Variants in SYNE3 observed in about 807,000 individuals in gnomAD.
The protein encoded by SYNE3 is spectrin repeat containing nuclear envelope family member 3.
Under a neutral mutation model 111.2 loss-of-function variants are expected in SYNE3, and 100 were observed. The ratio of observed to expected loss-of-function variants is 0.90; its 90% confidence interval spans 0.77 to 1.06. The LOEUF (loss-of-function observed/expected upper bound fraction) is 1.06, where lower values mean the gene tolerates loss of function less well. SYNE3 is among the 50% of genes least tolerant of loss of function. The pLI is 0.00. For synonymous variants in SYNE3, 547 were observed against 533.9 expected, an observed-to-expected ratio of 1.02 and a Z score of -0.34; for missense variants, 1,160 against 1,240.3, an observed-to-expected ratio of 0.94 and a Z score of 0.97.
chr14:95,418,173 C>T lies in SYNE3; in HGVS notation c.2728-147G>A, dbSNP rs951072631. ...CATCTCCAGGTTCTCATCTGTGAAA[C>T]AGGGCTAATGTAAGTTTTAACAGAA... On this transcript the variant is annotated intron_variant, in intron 17 of 17. Coordinates refer to ENST00000682763, the MANE Select transcript of SYNE3 (RefSeq NM_152592.6). The T allele has an allele frequency of 1.6e-5, 13 of 813,134 alleles. No homozygotes were observed. In the Middle Eastern group the frequency reaches 1.1e-3, roughly 67 times the overall value. 50.4% of individuals were successfully genotyped at this position (813,134 alleles called of 1,614,324 possible).
intron 7 of SYNE3, chr14:95,451,542 G>A (rs997189769): frequency 9.8e-5 from 15 of 152,296 alleles, no homozygotes; most frequent in African/African-American, 3.6e-4. Flanking sequence ...ATCCCACGGG[G>A]GATCCAGGCC....
intron 17 of SYNE3, among the ~76,000 whole-genome samples, chr14:95,426,063 G>A (rs1885412636): frequency 6.6e-6 from 1 of 152,214 alleles, no homozygotes; most frequent in African/African-American, 2.4e-5. Context: ...GTTGTGGGGT[G>A]GAAGGTGAGT....
chr14:95,446,358 GC>G (rs2139410991), intron 8 of SYNE3, among the ~76,000 whole-genome samples: 1 of 151,580 alleles, frequency 6.6e-6, no homozygotes, highest in East Asian at 2.0e-4. Flanking sequence ...CCTCCTACAG[GC>G]CTCAAAAGTC....
At chr14:95,431,058 A>G (rs1167088078) in intron 17 of SYNE3, among the ~76,000 whole-genome samples, 5 of 152,224 alleles carry the variant, frequency 3.3e-5, no homozygotes, top group Admixed American at 2.0e-4. Flanking sequence ...CCAAAGAATG[A>G]GAGATCTCAA....
Position 95,418,016 on chromosome 14 carries a change from C to T in SYNE3, c.2738G>A (p.Trp913Ter). 6.2e-7 allele frequency: 1 copy of T among 1,609,924 alleles called. No homozygotes were observed. Among genetic ancestry groups the T allele is most frequent in the Non-Finnish European group, 8.5e-7 (1 of 1,179,732 alleles). The change falls in exon 18 of 18, where the codon TGG (tryptophan) becomes TAG (stop). Residue 913 changes from tryptophan to a stop codon, truncating the protein, a stop_gained. Coordinates refer to ENST00000682763, the MANE Select transcript of SYNE3 (RefSeq NM_152592.6). LOFTEE classifies it low-confidence loss of function (END_TRUNC). Reference protein sequence around the residue: ...EPTGFQKTRRWRGLGSLFRRA... With the variant: ...EPTGFQKTRR Reference sequence around the variant, plus strand: ...CCGGAAGAGGGAGCCCAGTCCTCGCCACCGCCGAGTCTGCGGAACCAACAC... The same window carrying T: ...CCGGAAGAGGGAGCCCAGTCCTCGCTACCGCCGAGTCTGCGGAACCAACAC...
At chr14:95,508,619 G>A (rs545057173) in intron 1 of SYNE3, among the ~76,000 whole-genome samples, 1 of 152,364 alleles carries the variant, frequency 6.6e-6, no homozygotes, top group Admixed American at 6.5e-5. Context: ...TCAATGCAGA[G>A]ACGGTGTGGC....
At position 95,485,669 on chromosome 14, in the gene SYNE3, G is replaced by A. The variant is rs1566683733; in HGVS notation, c.-14-9834C>T. On this transcript the variant is annotated intron_variant, in intron 1 of 17. Transcript: ENST00000682763. This position sits in a 1 kb window ranked among gnomAD's most constrained non-coding sequence, Gnocchi z 4.3. ...CTCTCCCCTTACACCACTCCCTCTA[G>A]GATACCCAGCATCCCCACAGGCTCA... Among the ~76,000 whole-genome samples the A allele has an allele frequency of 6.6e-6, 1 of 151,882 alleles. No homozygotes were observed. The highest frequency in any genetic ancestry group is 6.6e-5 in the Admixed American group (1 of 15,256).
At chr14:95,447,561 G>T (rs1300741992) in intron 8 of SYNE3, among the ~76,000 whole-genome samples, 1 of 152,208 alleles carries the variant, frequency 6.6e-6, no homozygotes, top group Admixed American at 6.5e-5. Flanking sequence ...GACAGGCCTT[G>T]AAGGGCAGGT....
intron 4 of SYNE3, among the ~76,000 whole-genome samples, chr14:95,460,630 G>GC (rs3837583): frequency 0.6 from 91,546 of 152,030 alleles, 28,241 homozygotes; most frequent in African/African-American, 0.74. Flanking sequence ...TGGAGCAAGC[G>GC]AGGGGACAGT....
intron 1 of SYNE3, among the ~76,000 whole-genome samples, chr14:95,498,213 TG>T: frequency 6.6e-6 from 1 of 152,108 alleles, no homozygotes; most frequent in East Asian, 1.9e-4. Context: ...TTTTTTGAGA[TG>T]GAGTCTTGCT....
rs899631270 is a variant in SYNE3, at chr14:95,410,480, A to C, written c.*7346T>G. ...AGATGAGAACGGAAGTGGCTGGTGGAGCTTCTGGGAAAGCTGCTAATGAGG... is the reference window on the plus strand; with the variant it reads ...AGATGAGAACGGAAGTGGCTGGTGGCGCTTCTGGGAAAGCTGCTAATGAGG... On this transcript the variant is annotated 3_prime_UTR_variant, in exon 18 of 18. Coordinates refer to ENST00000682763, the MANE Select transcript of SYNE3 (RefSeq NM_152592.6). 40 of 152,300 alleles carry C rather than the reference A, an allele frequency of 2.6e-4. No individual in the cohort carries two copies. The highest frequency in any genetic ancestry group is 9.6e-4 in the African/African-American group (40 of 41,542). The allele number at this position is 152,300 out of a possible 1,614,324, so 9.4% of individuals were successfully genotyped here.
chr14:95,469,111 C>T (rs1001465858), intron 2 of SYNE3, among the ~76,000 whole-genome samples: 2 of 152,192 alleles, frequency 1.3e-5, no homozygotes, highest in Non-Finnish European at 2.9e-5. Flanking sequence ...ATCTTTGGAT[C>T]TGTCTTTACT....
chr14:95,422,196 G>A (rs1885166005), intron 17 of SYNE3, among the ~76,000 whole-genome samples: 1 of 151,676 alleles, frequency 6.6e-6, no homozygotes. Context: ...TGGGCCACCT[G>A]CTGTCTGCGA....
intron 1 of SYNE3, among the ~76,000 whole-genome samples, chr14:95,486,626 C>A (rs1427067977): frequency 6.6e-6 from 1 of 152,142 alleles, no homozygotes; most frequent in Non-Finnish European, 1.5e-5. Context: ...AGCCCTAAAC[C>A]CCAGCGGCCC....
chr14:95,463,333 G>C (rs956926461), intron 4 of SYNE3, among the ~76,000 whole-genome samples: 2 of 152,150 alleles, frequency 1.3e-5, no homozygotes, highest in Non-Finnish European at 2.9e-5. Flanking sequence ...TGAAAATGAG[G>C]CTCTTGGAGG....
chr14:95,439,787 A>G lies in SYNE3; in HGVS notation c.2074-3T>C. 2 of 1,610,754 alleles carry G rather than the reference A, an allele frequency of 1.2e-6. No homozygotes were observed. The highest frequency in any genetic ancestry group is 1.7e-6 in the Non-Finnish European group (2 of 1,178,246). Reference sequence around the variant, plus strand: ...TCCGGGAATTCTGCCACCAGCCTCTAAAGGACACACGGACACACAGACACA... The same window carrying G: ...TCCGGGAATTCTGCCACCAGCCTCTGAAGGACACACGGACACACAGACACA... On this transcript the variant is annotated splice_region_variant and splice_polypyrimidine_tract_variant and intron_variant, in intron 12 of 17. Coordinates refer to ENST00000682763, the MANE Select transcript of SYNE3 (RefSeq NM_152592.6).
intron 1 of SYNE3, among the ~76,000 whole-genome samples, chr14:95,507,011 C>A (rs1297071380): frequency 1.3e-5 from 2 of 152,194 alleles, no homozygotes; most frequent in African/African-American, 2.4e-5. Context: ...TAGTGATGAC[C>A]CCTTACCTCC....
At position 95,466,250 on chromosome 14, in the gene SYNE3, C is replaced by T; in HGVS notation, c.318-10G>A. On this transcript the variant is annotated splice_polypyrimidine_tract_variant and intron_variant, in intron 3 of 17. Coordinates refer to ENST00000682763, the MANE Select transcript of SYNE3 (RefSeq NM_152592.6). Reference sequence around the variant, plus strand: ...CACCCACTCGATGCGGCTGTGGGCACAGAGACCTCAAGGTTGTGAGGGAAC... The same window carrying T: ...CACCCACTCGATGCGGCTGTGGGCATAGAGACCTCAAGGTTGTGAGGGAAC... The T allele has an allele frequency of 1.9e-6, 3 of 1,552,638 alleles. No individual in the cohort carries two copies. The highest frequency in any genetic ancestry group is 3.4e-4 in the Middle Eastern group (2 of 5,822).
rs1903341989 is a variant in SYNE3 at position 95,408,477 on chromosome 14, AC to A, written c.*9348del. The A allele has an allele frequency of 6.5e-6, 1 of 152,804 alleles. No individual in the cohort carries two copies. Among genetic ancestry groups the A allele is most frequent in the Admixed American group, 6.5e-5 (1 of 15,344 alleles). The allele number at this position is 152,804 out of a possible 1,614,324, so 9.5% of individuals were successfully genotyped here. ...TGACACAGATCTAAGGGGTCATCTG[AC>A]CTTCCCTTCTTTATGGAGAATGCCA... On this transcript the variant is annotated 3_prime_UTR_variant, in exon 18 of 18. Coordinates refer to ENST00000682763, the MANE Select transcript of SYNE3 (RefSeq NM_152592.6).
Sources: allele counts gnomAD v4.1 joint callset (sites outside exome capture counted in the v4.1 genomes callset), GRCh38; gene constraint gnomAD v4.1.1; non-coding constraint Gnocchi (gnomAD v3.1); transcripts MANE v1.5; gene names NCBI Gene and HGNC (gene_info 2026-07-23, HGNC 2026-07-21).